Variants in GRIK4 observed in about 807,000 individuals in gnomAD.
GRIK4 encodes the protein glutamate ionotropic receptor kainate type subunit 4.
Under a neutral mutation model 104.9 loss-of-function variants are expected in GRIK4, and 40 were observed. That is an observed-to-expected ratio of 0.38 (90% CI 0.30 to 0.50). The LOEUF (loss-of-function observed/expected upper bound fraction) is 0.50, where lower values mean the gene tolerates loss of function less well. Ranked by LOEUF, GRIK4 falls within the 20% of genes least tolerant of loss-of-function variation. The pLI, the probability that GRIK4 is intolerant of heterozygous loss-of-function variation, is 0.93. For missense variants in GRIK4, 1,047 were observed against 1,308.1 expected (o/e 0.80, Z 3.08); for synonymous variants, 485 against 524.9 (o/e 0.92, Z 1.04).
At chr11:120,846,878 C>T (rs1016955006) in intron 8 of GRIK4, among the ~76,000 whole-genome samples, 2 of 152,160 alleles carry the variant, frequency 1.3e-5, no homozygotes, top group Non-Finnish European at 2.9e-5. Context: ...CTCCTCTTCA[C>T]GGTTTTCCAG....
At chr11:120,642,920 A>T (rs1159733289) in intron 1 of GRIK4, among the ~76,000 whole-genome samples, 2 of 152,306 alleles carry the variant, frequency 1.3e-5, no homozygotes, top group Admixed American at 6.5e-5. Context: ...CCCCCAGTAG[A>T]AACAGGAGAT....
At chr11:120,821,085 C>G (rs1377644497) in intron 6 of GRIK4, among the ~76,000 whole-genome samples, 2 of 152,190 alleles carry the variant, frequency 1.3e-5, no homozygotes, top group African/African-American at 4.8e-5. Context: ...AGCACCAGGG[C>G]CCAAACTCAA....
chr11:120,748,460 A>G (rs572372095), intron 3 of GRIK4, among the ~76,000 whole-genome samples: 5 of 152,206 alleles, frequency 3.3e-5, no homozygotes, highest in African/African-American at 1.2e-4. Flanking sequence ...GTAAGGGGAC[A>G]GCCTCTGCTA....
intron 3 of GRIK4, among the ~76,000 whole-genome samples, chr11:120,661,450 T>G (rs112781470): frequency 0.015 from 2,202 of 149,340 alleles, 55 homozygotes; most frequent in African/African-American, 0.048. Flanking sequence ...GGGGTGGGGT[T>G]GGGGGTGGGA....
chr11:120,899,805 A>G (rs1036370105), intron 12 of GRIK4, among the ~76,000 whole-genome samples: 24 of 152,236 alleles, frequency 1.6e-4, no homozygotes, highest in African/African-American at 4.6e-4. Context: ...TATTAGCAGG[A>G]GATAGCCAGT....
At chr11:120,773,964 C>T (rs1049633606) in intron 3 of GRIK4, among the ~76,000 whole-genome samples, 1 of 152,158 alleles carries the variant, frequency 6.6e-6, no homozygotes, top group Non-Finnish European at 1.5e-5. Context: ...AAAGGATTCC[C>T]ACAGAAAAAG....
chr11:120,969,801 T>C (rs1042287908), intron 19 of GRIK4, among the ~76,000 whole-genome samples: 4 of 152,138 alleles, frequency 2.6e-5, no homozygotes, highest in African/African-American at 7.2e-5. Flanking sequence ...CAGAAGGACC[T>C]TCTGCTTATC....
At chr11:120,655,460 G>A (rs1413769785) in intron 2 of GRIK4, among the ~76,000 whole-genome samples, 3 of 152,086 alleles carry the variant, frequency 2.0e-5, no homozygotes, top group Non-Finnish European at 4.4e-5. Context: ...TAGATTGAGG[G>A]GATTGCCCTG....
intron 16 of GRIK4, among the ~76,000 whole-genome samples, chr11:120,959,630 C>T (rs188378869): frequency 6.6e-6 from 1 of 152,338 alleles, no homozygotes; most frequent in Non-Finnish European, 1.5e-5. Flanking sequence ...GCTTGTTTAA[C>T]CTACTAAAAT....
intron 3 of GRIK4, among the ~76,000 whole-genome samples, chr11:120,739,306 T>C (rs1951285010): frequency 6.6e-6 from 1 of 152,228 alleles, no homozygotes. Flanking sequence ...AGAGCAGTGC[T>C]TACCACACAA....
chr11:120,708,059 C>T lies in GRIK4; in HGVS notation c.82+47659C>T, dbSNP rs1413662200. 4.0e-4 allele frequency among the ~76,000 whole-genome samples: 61 copies of T among 152,144 alleles called. 1 individual carries two copies. Among genetic ancestry groups the T allele is most frequent in the Non-Finnish European group, 5.9e-5 (4 of 68,022 alleles). On this transcript the variant is annotated intron_variant, in intron 3 of 20. Coordinates refer to ENST00000527524, the MANE Select transcript of GRIK4 (RefSeq NM_014619.5). ...CTTAATGGGAGGAATGCCAGAGACA[C>T]ATCATAAGAATACCTGGGATGGGAG...
chr11:120,545,464 G>A (rs1948076751), intron 1 of GRIK4, among the ~76,000 whole-genome samples: 1 of 152,148 alleles, frequency 6.6e-6, no homozygotes, highest in African/African-American at 2.4e-5. Flanking sequence ...ATAGTAACTG[G>A]CATGGAATGA....
intron 11 of GRIK4, among the ~76,000 whole-genome samples, chr11:120,890,491 G>A (rs936013884): frequency 2.0e-5 from 3 of 152,156 alleles, no homozygotes; most frequent in African/African-American, 7.2e-5. Flanking sequence ...AGAAGGCCCA[G>A]GCCTTAAGGT....
chr11:120,719,383 A>G (rs1002416228), intron 3 of GRIK4, among the ~76,000 whole-genome samples: 12 of 152,306 alleles, frequency 7.9e-5, no homozygotes, highest in African/African-American at 2.6e-4. Context: ...ATAACCTGGT[A>G]GAATATGAAG....
At chr11:120,975,099 A>G (rs1249896854) in intron 19 of GRIK4, among the ~76,000 whole-genome samples, 2 of 152,198 alleles carry the variant, frequency 1.3e-5, no homozygotes, top group African/African-American at 4.8e-5. Flanking sequence ...ACATAAATAC[A>G]TCACCAGGCT....
Position 120,953,455 on chromosome 11 carries a change from A to G in GRIK4, c.1700+491A>G, listed in dbSNP as rs889435022. 6.6e-6 allele frequency among the ~76,000 whole-genome samples: 1 copy of G among 152,160 alleles called. No homozygotes were observed. Among genetic ancestry groups the G allele is most frequent in the East Asian group, 1.9e-4 (1 of 5,192 alleles). The stretch of plus-strand genomic sequence containing the variant: ...GGGGCTGCAGTGGAGCAGGCCAGGG[A>G]GAAGGCTTTCTCTGCAGACAGCCTG... On this transcript the variant is annotated intron_variant, in intron 15 of 20. Coordinates refer to ENST00000527524, the MANE Select transcript of GRIK4 (RefSeq NM_014619.5). The surrounding 1 kb of genome is among the most constrained non-coding windows in gnomAD (Gnocchi z 4.9).
intron 13 of GRIK4, among the ~76,000 whole-genome samples, chr11:120,919,107 T>C (rs950252862): frequency 6.6e-6 from 1 of 152,170 alleles, no homozygotes; most frequent in Non-Finnish European, 1.5e-5. Context: ...CTCAGGGAAG[T>C]GCCGTCAAGT....
At chr11:120,845,982 G>C (rs892899018) in intron 8 of GRIK4, among the ~76,000 whole-genome samples, 1 of 152,328 alleles carries the variant, frequency 6.6e-6, no homozygotes, top group East Asian at 1.9e-4. Flanking sequence ...TCTCCTGGGC[G>C]TGCTTGGGCA....
At chr11:120,624,464 T>A (rs1591748569) in intron 1 of GRIK4, among the ~76,000 whole-genome samples, 1 of 152,116 alleles carries the variant, frequency 6.6e-6, no homozygotes, top group Non-Finnish European at 1.5e-5. Context: ...CTCCTCCTTG[T>A]CCCATAGCCA....
Sources: gnomAD v4.1 joint callset for allele counts (sites outside exome capture counted in the v4.1 genomes callset) on GRCh38, gnomAD v4.1.1 for gene constraint, Gnocchi (gnomAD v3.1) non-coding constraint, MANE v1.5 for transcripts, NCBI Gene and HGNC (gene_info 2026-07-23, HGNC 2026-07-21) for gene names.